AFAP1: variants seen among roughly 807,000 people sequenced by gnomAD.
AFAP1 encodes actin filament associated protein 1, also known as actin filament-associated protein 1.
AFAP1 carries 75 observed loss-of-function variants against 93.9 expected under a neutral mutation model. The observed-to-expected ratio is 0.80, with a 90% confidence interval of 0.66 to 0.97. The LOEUF is 0.97. Ranked by LOEUF, AFAP1 falls within the 50% of genes least tolerant of loss-of-function variation. AFAP1 has a pLI of 0.00. For synonymous variants in AFAP1, 517 were observed against 430.7 expected (o/e 1.20, Z -2.48); for missense variants, 1,201 against 1,050.8 (o/e 1.14, Z -1.98).
chr4:7,816,216 C>A, intron 7 of AFAP1, 117 bp from the exon 8 acceptor site: 2 of 840,036 alleles, frequency 2.4e-6, no homozygotes, highest in Non-Finnish European at 3.7e-6. Flanking sequence ...AAATTCATAG[C>A]AATCCAGAAG....
intron 11 of AFAP1, among the ~76,000 whole-genome samples, chr4:7,787,587 C>G (rs1396165555): frequency 1.3e-5 from 2 of 152,194 alleles, no homozygotes; most frequent in East Asian, 3.9e-4. Flanking sequence ...GGACACCCAG[C>G]TGGTGCCCAC....
chr4:7,937,674 A>G (rs1456363390), intron 1 of AFAP1, among the ~76,000 whole-genome samples: 1 of 152,034 alleles, frequency 6.6e-6, no homozygotes, highest in East Asian at 1.9e-4. Context: ...TTTAGTAGAG[A>G]CGGGGTTTCA....
chr4:7,774,623 C>A, intron 15 of AFAP1, 116 bp downstream of exon 15: 1 of 1,410,628 alleles, frequency 7.1e-7, no homozygotes, highest in South Asian at 1.5e-5. Context: ...ATAACCCACT[C>A]TTACTAAATA....
At position 7,800,323 on chromosome 4, in the gene AFAP1, A is replaced by G. The variant is rs1342626454; in HGVS notation, c.1266+119T>C. The G allele has an allele frequency of 3.8e-6, 4 of 1,044,976 alleles. No individual in the cohort carries two copies. The Admixed American group carries it at 8.2e-5, about 21-fold the overall frequency. The allele number at this position is 1,044,976 out of a possible 1,614,324, so 64.7% of individuals were successfully genotyped here. On this transcript the variant is annotated intron_variant, in intron 10 of 17. Coordinates refer to ENST00000420658, the MANE Select transcript of AFAP1 (RefSeq NM_001134647.2). ...AGTGAGAGAAAAGAGGGTGGGCCCA[A>G]AAGAGGTACTGTCAGCGAGATGGGA...
chr4:7,768,597 A>G (rs564971950), intron 17 of AFAP1, among the ~76,000 whole-genome samples: 2 of 152,224 alleles, frequency 1.3e-5, no homozygotes, highest in South Asian at 2.1e-4. Context: ...TCTGGAGCCA[A>G]TTGTTGGCAC....
chr4:7,779,910 A>C (rs1370141652), intron 13 of AFAP1, among the ~76,000 whole-genome samples: 1 of 152,194 alleles, frequency 6.6e-6, no homozygotes, highest in Non-Finnish European at 1.5e-5. Flanking sequence ...CATGTAATTT[A>C]ACTTGCAAAA....
chr4:7,833,176 T>C (rs1009698923), intron 6 of AFAP1, among the ~76,000 whole-genome samples: 2 of 152,048 alleles, frequency 1.3e-5, no homozygotes, highest in African/African-American at 4.8e-5. Context: ...ACTAAGGAGC[T>C]TTTTCATGGC....
At chr4:7,780,670 A>C (rs1716671153) in intron 13 of AFAP1, among the ~76,000 whole-genome samples, 2 of 152,010 alleles carry the variant, frequency 1.3e-5, no homozygotes, top group African/African-American at 2.4e-5. Context: ...AAAAGGCCTA[A>C]CACCACAAAA....
chr4:7,863,778 G>A (rs114533425), intron 3 of AFAP1, among the ~76,000 whole-genome samples: 54 of 152,242 alleles, frequency 3.5e-4, no homozygotes, highest in African/African-American at 1.2e-3. Context: ...AACCTTATTT[G>A]TTAAAGAGTT....
At chr4:7,874,681 C>T (rs1197049571) in intron 1 of AFAP1, among the ~76,000 whole-genome samples, 12 of 151,266 alleles carry the variant, frequency 7.9e-5, no homozygotes, top group Non-Finnish European at 1.5e-4. Flanking sequence ...CCACACCCAG[C>T]CTAGATTTTC....
chr4:7,855,803 C>G (rs1472442205), intron 3 of AFAP1, among the ~76,000 whole-genome samples: 7 of 152,208 alleles, frequency 4.6e-5, no homozygotes, highest in Admixed American at 3.9e-4. Context: ...CCAGTTCACA[C>G]CAAATCTCCA....
rs1713647502 is a variant in AFAP1, at chr4:7,760,642, G to T, written c.*3123C>A. 1 of 152,264 alleles carries T rather than the reference G, an allele frequency of 6.6e-6. No homozygotes were observed. Among genetic ancestry groups the T allele is most frequent in the East Asian group, 1.9e-4 (1 of 5,206 alleles). The allele number at this position is 152,264 out of a possible 1,614,324, so 9.4% of individuals were successfully genotyped here. A position where few individuals can be genotyped will look rare whatever the true frequency, so the allele number is the denominator to read the frequency against. ...AAGGGAGCCCTCGAATCTGATAGTT[G>T]TTTCTATGAAAAAGTTGGTCAGTGG... On this transcript the variant is annotated 3_prime_UTR_variant, in exon 18 of 18. Transcript: ENST00000420658.
intron 15 of AFAP1, chr4:7,774,011 G>T (rs1352489584): frequency 6.6e-6 from 1 of 152,434 alleles, no homozygotes; most frequent in Non-Finnish European, 1.5e-5. Flanking sequence ...CCCAGCCCAG[G>T]CCAGTACAAT....
chr4:7,922,619 A>C (rs1560238139), intron 1 of AFAP1, among the ~76,000 whole-genome samples: 1 of 152,248 alleles, frequency 6.6e-6, no homozygotes, highest in Non-Finnish European at 1.5e-5. Context: ...CTGAAACCCA[A>C]ACTTGCATAT....
chr4:7,838,605 G>A lies in AFAP1; in HGVS notation c.645C>T (p.His215=), dbSNP rs62640877. 736 of 1,614,114 alleles carry A rather than the reference G, an allele frequency of 4.6e-4. 3 individuals carry two copies. The African/African-American group carries it at 8.7e-3, about 19-fold the overall frequency. The change falls in exon 6 of 18, where the codon CAC becomes CAT. Residue 215 remains histidine (H), a synonymous_variant. Transcript: ENST00000420658. ...TGCCCTGCTGAGTAATCTTCAGCTC[G>A]TGCTTCTTCTTTTTGCTGTCTTTCG... The part of the protein sequence containing the change: ...YIPKDSKKKK[H]ELKITQQGTD...
At chr4:7,839,073 G>T (rs1352264614) in intron 5 of AFAP1, among the ~76,000 whole-genome samples, 1 of 152,164 alleles carries the variant, frequency 6.6e-6, no homozygotes, top group Admixed American at 6.5e-5. Flanking sequence ...GATGGCTCAC[G>T]CCTGTAATCC....
At chr4:7,771,492 G>T (rs1245743207) in intron 16 of AFAP1, among the ~76,000 whole-genome samples, 1 of 152,180 alleles carries the variant, frequency 6.6e-6, no homozygotes, top group Admixed American at 6.5e-5. Flanking sequence ...ATATCAACAA[G>T]CAATTGTTGG....
intron 1 of AFAP1, among the ~76,000 whole-genome samples, chr4:7,937,921 G>A (rs1415584164): frequency 6.6e-6 from 1 of 152,172 alleles, no homozygotes; most frequent in African/African-American, 2.4e-5. Flanking sequence ...TTGGATTCAT[G>A]GTATTGAAAA....
At chr4:7,899,993 A>G (rs1008867718) in intron 1 of AFAP1, among the ~76,000 whole-genome samples, 1 of 152,300 alleles carries the variant, frequency 6.6e-6, no homozygotes, top group Admixed American at 6.5e-5. Context: ...CAGCTTCAAC[A>G]GCATTCAAAG....
Sources: gnomAD v4.1 joint callset for allele counts (sites outside exome capture counted in the v4.1 genomes callset) on GRCh38, gnomAD v4.1.1 for gene constraint, MANE v1.5 for transcripts, NCBI Gene and HGNC (gene_info 2026-07-23, HGNC 2026-07-21) for gene names.